The following SNX29 variants were observed in gnomAD, a reference collection of about 807,000 sequenced individuals.
SNX29 encodes the protein sorting nexin-29.
SNX29 carries 78 observed loss-of-function variants against 102.1 expected under a neutral mutation model. That is an observed-to-expected ratio of 0.76 (90% CI 0.64 to 0.92). SNX29 has a LOEUF of 0.92. Among genes scored for constraint, SNX29 ranks in the 40% least tolerant of loss-of-function variants. The probability of loss-of-function intolerance (pLI) is 0.00; values close to 1 mark genes in which losing one functional copy is unlikely to be tolerated. For missense variants in SNX29, 1,280 were observed against 1,061.7 expected (o/e 1.21, Z -2.86); for synonymous variants, 580 against 414.5 (o/e 1.40, Z -4.85).
chr16:12,320,591 G>A (rs1334932638), intron 15 of SNX29, among the ~76,000 whole-genome samples: 1 of 152,148 alleles, frequency 6.6e-6, no homozygotes, highest in African/African-American at 2.4e-5. Context: ...GGATGTGAGT[G>A]ATCCCTCACT....
intron 11 of SNX29, among the ~76,000 whole-genome samples, chr16:12,126,426 C>T (rs534104126): frequency 1.2e-3 from 177 of 152,342 alleles, no homozygotes; most frequent in Admixed American, 2.0e-3. Flanking sequence ...AGGATTTGAA[C>T]CTGGGACCTG....
At chr16:12,539,795 A>G (rs866072576) in intron 20 of SNX29, among the ~76,000 whole-genome samples, 13 of 152,328 alleles carry the variant, frequency 8.5e-5, no homozygotes, top group African/African-American at 3.1e-4. Flanking sequence ...GATGTTGAGC[A>G]TATTTTCATG....
chr16:12,016,874 T>G, intron 3 of SNX29, among the ~76,000 whole-genome samples: 1 of 151,980 alleles, frequency 6.6e-6, no homozygotes, highest in East Asian at 1.9e-4. Flanking sequence ...TACCTATAAT[T>G]CTAGCACTTT....
chr16:12,217,681 T>G (rs996829456), intron 14 of SNX29, among the ~76,000 whole-genome samples: 1 of 152,176 alleles, frequency 6.6e-6, no homozygotes, highest in Non-Finnish European at 1.5e-5. Flanking sequence ...TCTAGGGTGT[T>G]CTTGGAGCAT....
chr16:12,503,784 C>T (rs978860286), intron 19 of SNX29, among the ~76,000 whole-genome samples: 5 of 152,262 alleles, frequency 3.3e-5, no homozygotes, highest in South Asian at 4.1e-4. Flanking sequence ...ATGGCAATAC[C>T]CGCTGCAGAA....
chr16:12,217,748 A>T (rs1368572258), intron 14 of SNX29, among the ~76,000 whole-genome samples: 1 of 152,194 alleles, frequency 6.6e-6, no homozygotes, highest in Non-Finnish European at 1.5e-5. Context: ...GATCAGTGCC[A>T]AGTGAATTTC....
chr16:12,075,689 C>T (rs2051526553), intron 10 of SNX29, among the ~76,000 whole-genome samples: 1 of 152,236 alleles, frequency 6.6e-6, no homozygotes, highest in African/African-American at 2.4e-5. Flanking sequence ...TACTGCTCTC[C>T]TCAAAGCTGT....
chr16:12,461,297 A>G (rs886709158), intron 18 of SNX29, among the ~76,000 whole-genome samples: 4 of 152,180 alleles, frequency 2.6e-5, no homozygotes, highest in South Asian at 2.1e-4. Context: ...GTGAACTTCA[A>G]GAGATTGGAT....
chr16:12,148,179 C>G lies in SNX29; in HGVS notation c.1595+18421C>G, dbSNP rs578101458. 5.9e-5 allele frequency among the ~76,000 whole-genome samples: 9 copies of G among 152,288 alleles called. 1 individual carries two copies. In the South Asian group the frequency reaches 1.9e-3, roughly 32 times the overall value. On this transcript the variant is annotated intron_variant, in intron 13 of 20. Transcript: ENST00000566228. ...TCTTACTTGGAAGCTCTCTGAGACC[C>G]GAGAGAGCTCCCTGAGAGCTGAGCC...
At chr16:12,188,091 GTCC>G (rs1423490190) in intron 13 of SNX29, among the ~76,000 whole-genome samples, 1 of 152,176 alleles carries the variant, frequency 6.6e-6, no homozygotes, top group Non-Finnish European at 1.5e-5. Context: ...GGAGAAAATA[GTCC>G]TCCTTGATTT....
chr16:12,520,158 C>G (rs181510678), intron 19 of SNX29, among the ~76,000 whole-genome samples: 1 of 152,274 alleles, frequency 6.6e-6, no homozygotes, highest in Non-Finnish European at 1.5e-5. Flanking sequence ...GTCTGCACCT[C>G]TAGGGTCAGA....
intron 20 of SNX29, among the ~76,000 whole-genome samples, chr16:12,538,214 C>T (rs951064267): frequency 1.3e-5 from 2 of 152,138 alleles, no homozygotes; most frequent in Admixed American, 6.6e-5. Flanking sequence ...GTTCTGGGTT[C>T]ATGCCATTCT....
At chr16:12,550,927 A>C (rs2077935985) in intron 20 of SNX29, among the ~76,000 whole-genome samples, 1 of 152,196 alleles carries the variant, frequency 6.6e-6, no homozygotes, top group South Asian at 2.1e-4. Context: ...TTTAAGTGGA[A>C]ATAAATTTTT....
chr16:12,294,534 GCTGT>G (rs2079913763), intron 15 of SNX29, among the ~76,000 whole-genome samples: 1 of 152,242 alleles, frequency 6.6e-6, no homozygotes, highest in Admixed American at 6.5e-5. Flanking sequence ...GCCTCCCTCT[GCTGT>G]CTGTCTGTAG....
At chr16:12,339,384 A>AC (rs1382007971) in intron 15 of SNX29, among the ~76,000 whole-genome samples, 2 of 150,948 alleles carry the variant, frequency 1.3e-5, no homozygotes, top group East Asian at 3.9e-4. Context: ...AAAAAAAAAA[A>AC]AAAAAAAAAA....
intron 10 of SNX29, among the ~76,000 whole-genome samples, chr16:12,070,054 A>G (rs1347698381): frequency 5.3e-5 from 8 of 152,210 alleles, no homozygotes; most frequent in East Asian, 3.8e-4. Flanking sequence ...AGCCATTTAG[A>G]TATTACATAG....
At chr16:12,443,943 T>G (rs1226723963) in intron 18 of SNX29, among the ~76,000 whole-genome samples, 1 of 152,168 alleles carries the variant, frequency 6.6e-6, no homozygotes, top group Non-Finnish European at 1.5e-5. Flanking sequence ...AAGCACTCAG[T>G]ATAGCATCTA....
At chr16:12,099,248 C>G (rs916053849) in intron 11 of SNX29, among the ~76,000 whole-genome samples, 1 of 152,212 alleles carries the variant, frequency 6.6e-6, no homozygotes, top group Non-Finnish European at 1.5e-5. Flanking sequence ...GTGTCTGAGT[C>G]TGCGAGGTGG....
At chr16:12,180,418 ATTAC>A (rs1567284168) in intron 13 of SNX29, among the ~76,000 whole-genome samples, 1 of 151,666 alleles carries the variant, frequency 6.6e-6, no homozygotes, top group Non-Finnish European at 1.5e-5. Flanking sequence ...GCTATATTCT[ATTAC>A]TTATTCTGTT....
Sources: gnomAD v4.1 joint callset for allele counts (sites outside exome capture counted in the v4.1 genomes callset) on GRCh38, gnomAD v4.1.1 for gene constraint, MANE v1.5 for transcripts, NCBI Gene and HGNC (gene_info 2026-07-23, HGNC 2026-07-21) for gene names.